The following CENPU variants were observed in gnomAD, a reference collection of about 807,000 sequenced individuals.
The protein encoded by CENPU is centromere protein U.
A neutral mutation model predicts 56.7 loss-of-function variants in CENPU; 46 were observed. That is an observed-to-expected ratio of 0.81 (90% CI 0.64 to 1.04). The LOEUF is 1.04. Among genes scored for constraint, CENPU ranks in the 50% least tolerant of loss-of-function variants. The pLI is 0.00. For synonymous variants in CENPU, 166 were observed against 163.0 expected (o/e 1.02, Z -0.14); for missense variants, 510 against 490.1 (o/e 1.04, Z -0.38).
chr4:184,729,837 C>T (rs1365007995), intron 2 of CENPU, among the ~76,000 whole-genome samples: 1 of 152,164 alleles, frequency 6.6e-6, no homozygotes, highest in Admixed American at 6.5e-5. Flanking sequence ...AACATGAAAA[C>T]ATACATAAAA....
chr4:184,717,926 G>C (rs1761146598), intron 4 of CENPU, among the ~76,000 whole-genome samples: 1 of 152,220 alleles, frequency 6.6e-6, no homozygotes, highest in African/African-American at 2.4e-5. Flanking sequence ...GTAAAAGCCT[G>C]GTGGTGTAAA....
chr4:184,696,684 T>TTA (rs1203274074), intron 12 of CENPU, among the ~76,000 whole-genome samples: 1 of 142,870 alleles, frequency 7.0e-6, no homozygotes, highest in African/African-American at 2.7e-5. Context: ...TATGTATACA[T>TTA]TACATATATA....
intron 8 of CENPU, among the ~76,000 whole-genome samples, chr4:184,704,343 C>T (rs1224571282): frequency 2.0e-5 from 3 of 152,252 alleles, no homozygotes; most frequent in African/African-American, 7.2e-5. Flanking sequence ...TGTTTAGATA[C>T]ACAACTTACC....
Position 184,699,589 on chromosome 4 carries a change from C to CA in CENPU, c.986+1230dup, listed in dbSNP as rs1255236054. ...CAGTGAAAACCTTACCATAGGCCAG[C>CA]ACCTGTCCAGAGACTCAATTTAGAA... On this transcript the variant is annotated intron_variant, in intron 11 of 12. Coordinates refer to ENST00000281453, the MANE Select transcript of CENPU (RefSeq NM_024629.4). The CA allele has an allele frequency of 2.3e-6, 3 of 1,288,884 alleles. No homozygotes were observed. In the African/African-American group the frequency reaches 4.6e-5, roughly 20 times the overall value. 79.8% of individuals were successfully genotyped at this position (1,288,884 alleles called of 1,614,324 possible).
At chr4:184,704,092 T>C (rs1760638295) in intron 8 of CENPU, among the ~76,000 whole-genome samples, 1 of 152,098 alleles carries the variant, frequency 6.6e-6, no homozygotes, top group African/African-American at 2.4e-5. Context: ...TCATCTTTTT[T>C]TTTTTTGAGA....
At chr4:184,697,544 TG>T in intron 12 of CENPU, 102 bp downstream of exon 12, 1 of 1,086,492 alleles carries the variant, frequency 9.2e-7, no homozygotes, top group Non-Finnish European at 1.4e-6. Flanking sequence ...TCTGTAATTC[TG>T]TATCTGCATT....
At chr4:184,709,471 G>C (rs1409642521) in intron 8 of CENPU, among the ~76,000 whole-genome samples, 1 of 147,812 alleles carries the variant, frequency 6.8e-6, no homozygotes, top group East Asian at 1.9e-4. Flanking sequence ...TGGAGACAGA[G>C]AGAGACTCCA....
At chr4:184,708,265 G>A (rs777645513) in intron 8 of CENPU, among the ~76,000 whole-genome samples, 1 of 139,944 alleles carries the variant, frequency 7.1e-6, no homozygotes, top group Non-Finnish European at 1.6e-5. Flanking sequence ...TAATATAAAA[G>A]CTAAGTTAAA....
intron 4 of CENPU, among the ~76,000 whole-genome samples, chr4:184,722,897 G>C (rs1761328207): frequency 6.6e-6 from 1 of 152,096 alleles, no homozygotes; most frequent in South Asian, 2.1e-4. Flanking sequence ...AACTAGGCTG[G>C]GATAGCATTT....
intron 8 of CENPU, 25 bp downstream of exon 8, chr4:184,710,047 T>TA (rs752430906): frequency 7.1e-7 from 1 of 1,399,940 alleles, no homozygotes. Context: ...ATTAGGTAAA[T>TA]ATAGCACATC....
At position 184,694,405 on chromosome 4, in the gene CENPU, T is replaced by C. The variant is rs1759991286; in HGVS notation, c.*883A>G. On this transcript the variant is annotated 3_prime_UTR_variant, in exon 13 of 13. Coordinates refer to ENST00000281453, the MANE Select transcript of CENPU (RefSeq NM_024629.4). ...CGGAGACAGCATTCCTCCTGCATAT[T>C]CACTTTAGTATCTGTCACTTAATAC... The C allele has an allele frequency of 2.8e-6, 4 of 1,430,240 alleles. No homozygotes were observed. The highest frequency in any genetic ancestry group is 3.7e-6 in the Non-Finnish European group (4 of 1,093,636). The allele number at this position is 1,430,240 out of a possible 1,614,324, so 88.6% of individuals were successfully genotyped here. A position where few individuals can be genotyped will look rare whatever the true frequency, so the allele number is the denominator to read the frequency against.
Position 184,716,469 on chromosome 4 carries a change from A to T in CENPU, c.546T>A (p.Thr182=), listed in dbSNP as rs376093726. Residue 182 remains threonine (T), a synonymous_variant, in exon 6 of 13, where the codon ACT becomes ACA. Coordinates refer to ENST00000281453, the MANE Select transcript of CENPU (RefSeq NM_024629.4). The stretch of plus-strand genomic sequence containing the variant: ...CACTAAGGGGTCCTGTCTTTTTAGA[A>T]GTGACAGACTCAGCTGGTTTCTCTG... ...ELSEKPAESV[T]SKKTGPLSAQ... 6.2e-7 allele frequency: 1 copy of T among 1,614,038 alleles called. No individual in the cohort carries two copies. Among genetic ancestry groups the T allele is most frequent in the African/African-American group, 1.3e-5 (1 of 74,902 alleles).
intron 11 of CENPU, among the ~76,000 whole-genome samples, chr4:184,700,110 G>A (rs1760482706): frequency 6.6e-6 from 1 of 152,154 alleles, no homozygotes; most frequent in Admixed American, 6.5e-5. Flanking sequence ...TTACTACCAA[G>A]CCTCTAGCTC....
chr4:184,700,625 A>G (rs1477358251), intron 11 of CENPU, among the ~76,000 whole-genome samples, 195 bp downstream of exon 11: 1 of 152,200 alleles, frequency 6.6e-6, no homozygotes, highest in Non-Finnish European at 1.5e-5. Context: ...ATCTGTGGAG[A>G]TAGATCAGTG....
chr4:184,732,063 T>C (rs1761667673), intron 1 of CENPU, among the ~76,000 whole-genome samples: 1 of 152,146 alleles, frequency 6.6e-6, no homozygotes, highest in Non-Finnish European at 1.5e-5. Context: ...ATCACATCAA[T>C]TGTCCTATAA....
intron 8 of CENPU, among the ~76,000 whole-genome samples, chr4:184,705,579 T>TA (rs59492907): frequency 0.17 from 25,755 of 149,694 alleles, 2,401 homozygotes; most frequent in African/African-American, 0.24. Flanking sequence ...GACATTTAAT[T>TA]AAAAAAAAAA....
chr4:184,717,973 C>T (rs1219799971), intron 4 of CENPU, among the ~76,000 whole-genome samples: 2 of 152,198 alleles, frequency 1.3e-5, no homozygotes, highest in Non-Finnish European at 2.9e-5. Flanking sequence ...CAACAGAGCA[C>T]AGATAGAATG....
intron 12 of CENPU, among the ~76,000 whole-genome samples, chr4:184,696,158 T>G (rs2150196786): frequency 6.6e-6 from 1 of 152,348 alleles, no homozygotes; most frequent in African/African-American, 2.4e-5. Context: ...TGTCATGCTG[T>G]GACTACCACA....
intron 8 of CENPU, among the ~76,000 whole-genome samples, chr4:184,703,332 T>C (rs958750417): frequency 6.6e-5 from 10 of 152,180 alleles, no homozygotes; most frequent in African/African-American, 2.4e-4. Flanking sequence ...AGCCAAAAAG[T>C]AGCCATAAAT....
Sources: gnomAD v4.1 joint callset for allele counts (sites outside exome capture counted in the v4.1 genomes callset) on GRCh38, gnomAD v4.1.1 for gene constraint, MANE v1.5 for transcripts, NCBI Gene and HGNC (gene_info 2026-07-23, HGNC 2026-07-21) for gene names.